The following DDX60 variants were observed in gnomAD, a reference collection of about 807,000 sequenced individuals.
DDX60 encodes DExD/H-box helicase 60.
Under a neutral mutation model 212.8 loss-of-function variants are expected in DDX60, and 165 were observed. The ratio of observed to expected loss-of-function variants is 0.78; its 90% CI spans 0.68 to 0.88. DDX60 has a LOEUF of 0.88. DDX60 is among the 40% of genes least tolerant of loss of function. The pLI, the probability that DDX60 is intolerant of heterozygous loss-of-function variation, is 0.00. For missense variants in DDX60, 1,905 were observed against 2,003.9 expected, an observed-to-expected ratio of 0.95 and a Z score of 0.94; for synonymous variants, 703 against 685.3, an observed-to-expected ratio of 1.03 and a Z score of -0.40.
intron 26 of DDX60, among the ~76,000 whole-genome samples, chr4:168,255,184 A>G (rs560367115): frequency 6.6e-6 from 1 of 152,190 alleles, no homozygotes; most frequent in African/African-American, 2.4e-5. Flanking sequence ...TTTTGGCCCT[A>G]GAGTTGACAG....
At chr4:168,297,408 A>T (rs1193071366) in intron 6 of DDX60, among the ~76,000 whole-genome samples, 1 of 150,736 alleles carries the variant, frequency 6.6e-6, no homozygotes, top group Non-Finnish European at 1.5e-5. Flanking sequence ...AAGAAAGACA[A>T]TAAATAATTA....
intron 1 of DDX60, among the ~76,000 whole-genome samples, chr4:168,318,227 G>C (rs1737487721): frequency 6.6e-6 from 1 of 152,182 alleles, no homozygotes; most frequent in African/African-American, 2.4e-5. Flanking sequence ...TCTGGAGCAG[G>C]GATTGAAGGT....
intron 33 of DDX60, among the ~76,000 whole-genome samples, chr4:168,228,364 A>C (rs1207294632): frequency 6.6e-6 from 1 of 152,050 alleles, no homozygotes; most frequent in Non-Finnish European, 1.5e-5. Context: ...TAGTGTATTT[A>C]GTACATTTAC....
the DDX60 span, among the ~76,000 whole-genome samples, chr4:168,324,782 T>C: frequency 6.6e-6 from 1 of 152,236 alleles, no homozygotes; most frequent in Non-Finnish European, 1.5e-5. Context: ...TTTGCATGTC[T>C]TGAATGAGTA....
At chr4:168,244,747 GA>G (rs5863925) in intron 30 of DDX60, among the ~76,000 whole-genome samples, 4 of 149,364 alleles carry the variant, frequency 2.7e-5, no homozygotes, top group African/African-American at 4.9e-5. Flanking sequence ...AAAAAAGAAA[GA>G]AAAAAAAAGA....
intron 7 of DDX60, 78 bp from the exon 8 acceptor site, chr4:168,291,984 G>T: frequency 1.0e-6 from 1 of 959,556 alleles, no homozygotes; most frequent in Non-Finnish European, 1.5e-6. Flanking sequence ...GACCACAAAA[G>T]CTGACAGCTA....
intron 3 of DDX60, 116 bp downstream of exon 3, chr4:168,310,882 C>T (rs923312822): frequency 2.6e-4 from 141 of 548,704 alleles, no homozygotes; most frequent in African/African-American, 2.4e-3. Flanking sequence ...TTGTTCAGTG[C>T]CCTTAGCCCC....
Position 168,267,951 on chromosome 4 carries a change from T to A in DDX60, c.2819A>T (p.Gln940Leu). 1 of 1,613,140 alleles carries A rather than the reference T, an allele frequency of 6.2e-7. No homozygotes were observed. Among genetic ancestry groups the A allele is most frequent in the Non-Finnish European group, 8.5e-7 (1 of 1,179,424 alleles). ...WLQSVKWYWKQEDKIIENNTA... is the reference protein window; with the variant it reads ...WLQSVKWYWKLEDKIIENNTA... ...ATTATTTTCAATTATTTTGTCTTCT[T>A]GTTTCCAGTACCATTTTACCGATTG... The change falls in exon 21 of 38, where the codon CAA becomes CTA. Residue 940 changes from glutamine (Q) to leucine (L), a missense_variant. Coordinates refer to ENST00000393743, the MANE Select transcript of DDX60 (RefSeq NM_017631.6).
At chr4:168,226,379 C>T (rs1209197791) in intron 33 of DDX60, among the ~76,000 whole-genome samples, 2 of 152,000 alleles carry the variant, frequency 1.3e-5, no homozygotes, top group Non-Finnish European at 2.9e-5. Flanking sequence ...GTCCTCATAA[C>T]TGGAATTAGT....
chr4:168,322,419 C>A (rs553933402), upstream of DDX60, among the ~76,000 whole-genome samples: 1 of 151,520 alleles, frequency 6.6e-6, no homozygotes, highest in South Asian at 2.1e-4. Context: ...TCCATTTTTC[C>A]AAAGGCTAGA....
At chr4:168,252,885 A>T (rs1157251020) in intron 26 of DDX60, among the ~76,000 whole-genome samples, 1 of 151,846 alleles carries the variant, frequency 6.6e-6, no homozygotes, top group East Asian at 1.9e-4. Flanking sequence ...GCTCACTGCA[A>T]CCTCCACTTC....
chr4:168,294,684 T>G (rs553432841), intron 6 of DDX60, among the ~76,000 whole-genome samples: 232 of 152,090 alleles, frequency 1.5e-3, no homozygotes, highest in Non-Finnish European at 2.8e-3. Context: ...GTATTTTTAG[T>G]AGAGATGGGA....
chr4:168,274,024 G>C lies in DDX60; in HGVS notation c.2364C>G (p.Ser788=). ...AGTAGGAGGCATAGGTTTTGCCTGA[G>C]GACGTTGGGGCAACAATCACTGCTG... ...NESAVIVAPT[S]SGKTYASYYC... is the part of the protein sequence containing the mutation. Residue 788 remains serine (S), a synonymous_variant, in exon 17 of 38, where the codon TCC becomes TCG. Coordinates refer to ENST00000393743, the MANE Select transcript of DDX60 (RefSeq NM_017631.6). 1 of 1,614,184 alleles carries C rather than the reference G, an allele frequency of 6.2e-7. No homozygotes were observed. The highest frequency in any genetic ancestry group is 8.5e-7 in the Non-Finnish European group (1 of 1,180,018).
In DDX60 at chr4:168,248,492, A is replaced by G. The variant is rs146981130; in HGVS notation, c.3859-200T>C. ...CCCAAATGCGCTGTTTGCTTTGCACAGAATATTCTTCCCCAAATATTCGTT... is the reference window on the plus strand; with the variant it reads ...CCCAAATGCGCTGTTTGCTTTGCACGGAATATTCTTCCCCAAATATTCGTT... On this transcript the variant is annotated intron_variant, in intron 28 of 37. Transcript: ENST00000393743. Among the ~76,000 whole-genome samples the G allele has an allele frequency of 1.5e-3, 223 of 152,328 alleles. 2 individuals carry two copies. Among genetic ancestry groups the G allele is most frequent in the East Asian group, 0.014 (72 of 5,176 alleles).
At position 168,275,431 on chromosome 4, in the gene DDX60, G is replaced by A. The variant is rs1254627579; in HGVS notation, c.2218C>T (p.Leu740=). 2 of 1,612,908 alleles carry A rather than the reference G, an allele frequency of 1.2e-6. No individual in the cohort carries two copies. Among genetic ancestry groups the A allele is most frequent in the Middle Eastern group, 1.6e-4 (1 of 6,084 alleles). Residue 740 remains leucine (L), a synonymous_variant, in exon 16 of 38, where the codon CTG becomes TTG. Coordinates refer to ENST00000393743, the MANE Select transcript of DDX60 (RefSeq NM_017631.6). ...ATCAAATAATGGCCCATGTATTGCA[G>A]TTGGAACCGAGCTGGCCCAATGCCA... is the stretch of plus-strand genomic sequence containing the variant. ...SVGIGPARFQ[L]QYMGHYLIRD... is the part of the protein sequence containing the mutation.
In DDX60 at chr4:168,268,949, T is replaced by G; in HGVS notation, c.2691A>C (p.Glu897Asp). The G allele has an allele frequency of 1.3e-6, 2 of 1,587,082 alleles. No homozygotes were observed. The highest frequency in any genetic ancestry group is 2.7e-5 in the African/African-American group (2 of 73,844). The change falls in exon 20 of 38, where the codon GAA becomes GAC. Residue 897 changes from glutamate (E) to aspartate (D), a missense_variant. Coordinates refer to ENST00000393743, the MANE Select transcript of DDX60 (RefSeq NM_017631.6). ...GATGTTCCCAGATTTCTGCTCCAAT[T>G]TCTCCACCAAGACAATGAACCTATT... ...IFDEVHCLGG[E>D]IGAEIWEHLL...
chr4:168,251,099 T>C lies in DDX60; in HGVS notation c.3713A>G (p.Gln1238Arg), dbSNP rs1315084103. The C allele has an allele frequency of 9.3e-6, 15 of 1,610,250 alleles. No homozygotes were observed. The highest frequency in any genetic ancestry group is 1.2e-5 in the Non-Finnish European group (14 of 1,179,160). The change falls in exon 28 of 38, where the codon CAG becomes CGG. Residue 1238 changes from glutamine to arginine, a missense_variant. Gln to Arg is a conservative substitution (Grantham distance 43). Coordinates refer to ENST00000393743, the MANE Select transcript of DDX60 (RefSeq NM_017631.6). ...AAATTTTACTCGACCAAATACCTTCTGCAAAGTCTAAAAGAAGCAAGACAT... is the reference window on the plus strand; with the variant it reads ...AAATTTTACTCGACCAAATACCTTCCGCAAAGTCTAAAAGAAGCAAGACAT... ...DQKAVDTETL[Q>R]KVFGRVKFER...
intron 30 of DDX60, among the ~76,000 whole-genome samples, chr4:168,244,307 G>A (rs1231576506): frequency 6.6e-6 from 1 of 151,678 alleles, no homozygotes; most frequent in African/African-American, 2.4e-5. Flanking sequence ...ATACTTAATG[G>A]GTGCCAAATG....
intron 37 of DDX60, among the ~76,000 whole-genome samples, chr4:168,218,500 G>A (rs2149488650): frequency 6.6e-6 from 1 of 152,072 alleles, no homozygotes; most frequent in Non-Finnish European, 1.5e-5. Flanking sequence ...ATTTTCACCT[G>A]CATGACTGTT....
Sources: allele counts gnomAD v4.1 joint callset (sites outside exome capture counted in the v4.1 genomes callset), GRCh38; gene constraint gnomAD v4.1.1; transcripts MANE v1.5; gene names NCBI Gene and HGNC (gene_info 2026-07-23, HGNC 2026-07-21).